The following LIPA variants were observed in gnomAD, a reference collection of about 807,000 sequenced individuals.
LIPA encodes the protein lipase A, lysosomal acid type, also known as lysosomal acid lipase/cholesteryl ester hydrolase.
Under a neutral mutation model 40.6 loss-of-function variants are expected in LIPA, and 26 were observed. The ratio of observed to expected loss-of-function variants is 0.64; its 90% CI spans 0.47 to 0.89. The LOEUF (loss-of-function observed/expected upper bound fraction) is 0.89, where lower values mean the gene tolerates loss of function less well. Among genes scored for constraint, LIPA ranks in the 40% least tolerant of loss-of-function variants. LIPA has a pLI of 0.00. For synonymous variants in LIPA, 188 were observed against 168.4 expected (o/e 1.12, Z -0.90); for missense variants, 455 against 479.6 (o/e 0.95, Z 0.48).
intron 2 of LIPA, among the ~76,000 whole-genome samples, chr10:89,412,348 G>A (rs1037407315): frequency 1.3e-5 from 2 of 152,094 alleles, no homozygotes; most frequent in African/African-American, 4.8e-5. Context: ...TCAGCACTCT[G>A]TCAAAATGGA....
At chr10:89,347,224 T>C (rs187218174), upstream of LIPA, among the ~76,000 whole-genome samples, 10 of 152,294 alleles carry the variant, frequency 6.6e-5, no homozygotes, top group Non-Finnish European at 1.2e-4. Context: ...AGTCATCAGG[T>C]TGTGCTTAAT....
At chr10:89,253,301 A>C (rs1295012337), upstream of LIPA, among the ~76,000 whole-genome samples, 2 of 152,230 alleles carry the variant, frequency 1.3e-5, no homozygotes, top group Non-Finnish European at 2.9e-5. Flanking sequence ...ACTGACTCAC[A>C]GTTTCACAGG....
chr10:89,237,420 G>C (rs759489768), intron 3 of LIPA, among the ~76,000 whole-genome samples: 9 of 152,008 alleles, frequency 5.9e-5, no homozygotes, highest in Non-Finnish European at 1.0e-4. Context: ...GCCTGAACAG[G>C]TTTTTAATGC....
rs544533888 is a variant in LIPA at position 89,231,774 on chromosome 10, G to A, written c.230-3376C>T. 3.3e-5 allele frequency among the ~76,000 whole-genome samples: 5 copies of A among 152,322 alleles called. No homozygotes were observed. In the South Asian group the frequency reaches 8.3e-4, roughly 25 times the overall value. ...ATTACAGAAGTGAAACATCATGTATGGCTGGTGTGATTTTCTAATCACAAA... is the reference window on the plus strand; with the variant it reads ...ATTACAGAAGTGAAACATCATGTATAGCTGGTGTGATTTTCTAATCACAAA... On this transcript the variant is annotated intron_variant, in intron 3 of 9. Transcript: ENST00000336233.
chr10:89,263,850 C>T (rs1288622887), intron 1 of LIPA, among the ~76,000 whole-genome samples: 1 of 152,228 alleles, frequency 6.6e-6, no homozygotes, highest in Non-Finnish European at 1.5e-5. Context: ...GGGGTCCAGC[C>T]ACTGTGGAGA....
At chr10:89,382,383 C>T (rs1186052351) in intron 2 of LIPA, among the ~76,000 whole-genome samples, 4 of 152,190 alleles carry the variant, frequency 2.6e-5, no homozygotes. Context: ...GGACAAATTT[C>T]TTTTTCTTCC....
intron 2 of LIPA, among the ~76,000 whole-genome samples, chr10:89,410,575 G>C (rs936334313): frequency 6.6e-5 from 10 of 152,210 alleles, no homozygotes; most frequent in African/African-American, 2.4e-4. Flanking sequence ...CCAGGGACCA[G>C]CACCCAGTTA....
At chr10:89,397,681 A>T (rs1589635597) in intron 2 of LIPA, among the ~76,000 whole-genome samples, 1 of 151,550 alleles carries the variant, frequency 6.6e-6, no homozygotes. Flanking sequence ...GATCCAGAGC[A>T]TTTTTTTTCA....
At chr10:89,233,853 G>A (rs919859924) in intron 3 of LIPA, among the ~76,000 whole-genome samples, 1 of 152,112 alleles carries the variant, frequency 6.6e-6, no homozygotes, top group Non-Finnish European at 1.5e-5. Flanking sequence ...GTGACAGAGA[G>A]GGATTCCATT....
intron 1 of LIPA, among the ~76,000 whole-genome samples, chr10:89,268,859 G>A (rs539077202): frequency 1.7e-3 from 258 of 151,978 alleles, no homozygotes; most frequent in African/African-American, 5.9e-3. Flanking sequence ...GGTGACGGGC[G>A]CCTGTAGTCC....
At chr10:89,396,724 A>G (rs1844349827) in intron 2 of LIPA, among the ~76,000 whole-genome samples, 1 of 152,240 alleles carries the variant, frequency 6.6e-6, no homozygotes, top group African/African-American at 2.4e-5. Flanking sequence ...AGCACTTGTC[A>G]ATACTTGTTC....
intron 1 of LIPA, among the ~76,000 whole-genome samples, chr10:89,320,194 A>C (rs1488104873): frequency 2.0e-5 from 3 of 152,094 alleles, no homozygotes; most frequent in Non-Finnish European, 2.9e-5. Flanking sequence ...TCCTATTCAA[A>C]ACAGTGTTGG....
intron 2 of LIPA, among the ~76,000 whole-genome samples, chr10:89,377,893 T>C (rs1564802999): frequency 6.6e-6 from 1 of 152,098 alleles, no homozygotes; most frequent in Non-Finnish European, 1.5e-5. Context: ...CACACACCCA[T>C]CCTCTTAGCT....
At chr10:89,383,533 A>T in intron 2 of LIPA, 1 of 1,614,240 alleles carries the variant, frequency 6.2e-7, no homozygotes, top group Non-Finnish European at 8.5e-7. Context: ...AGCCCTGGTC[A>T]GCTTGAAAAA....
intron 1 of LIPA, among the ~76,000 whole-genome samples, chr10:89,251,530 T>C (rs989859554): frequency 6.6e-6 from 1 of 152,196 alleles, no homozygotes; most frequent in African/African-American, 2.4e-5. Context: ...AGTTGCTCTC[T>C]GAAGTTGCCC....
At chr10:89,256,005 G>C (rs1843179120), upstream of LIPA, among the ~76,000 whole-genome samples, 1 of 152,242 alleles carries the variant, frequency 6.6e-6, no homozygotes, top group South Asian at 2.1e-4. Flanking sequence ...TTGAGCAACA[G>C]TCTCTGTCAG....
chr10:89,378,088 C>G (rs772726271), intron 2 of LIPA: 11 of 1,611,708 alleles, frequency 6.8e-6, no homozygotes, highest in Non-Finnish European at 9.3e-6. Context: ...AAGGAGCCTC[C>G]AAGCCTGAAC....
At chr10:89,344,708 C>T (rs962339782), upstream of LIPA, among the ~76,000 whole-genome samples, 6 of 152,016 alleles carry the variant, frequency 3.9e-5, no homozygotes, top group Admixed American at 2.6e-4. Context: ...TAAAAACACC[C>T]CTCAAAGGGA....
chr10:89,218,215 TA>T (rs1029060685), intron 8 of LIPA, among the ~76,000 whole-genome samples: 1 of 152,200 alleles, frequency 6.6e-6, no homozygotes, highest in African/African-American at 2.4e-5. Context: ...CAATATGTAT[TA>T]GAAGTCTTAA....
Sources: allele counts gnomAD v4.1 joint callset (sites outside exome capture counted in the v4.1 genomes callset), GRCh38; gene constraint gnomAD v4.1.1; transcripts MANE v1.5; gene names NCBI Gene and HGNC (gene_info 2026-07-23, HGNC 2026-07-21).